MBNL2: variants seen among roughly 807,000 people sequenced by gnomAD.
MBNL2 encodes muscleblind like splicing regulator 2.
MBNL2 carries 17 observed loss-of-function variants against 41.9 expected under a neutral mutation model. That is an observed-to-expected ratio of 0.41 (90% CI 0.28 to 0.61). The LOEUF is 0.61. Among genes scored for constraint, MBNL2 ranks in the 20% least tolerant of loss-of-function variants. The pLI, the probability that MBNL2 is intolerant of heterozygous loss-of-function variation, is 0.35. For synonymous variants in MBNL2, 195 were observed against 182.9 expected, an observed-to-expected ratio of 1.07 and a Z score of -0.53; for missense variants, 336 against 505.6, an observed-to-expected ratio of 0.66 and a Z score of 3.22.
chr13:97,336,428 G>T (rs955446438), intron 3 of MBNL2, among the ~76,000 whole-genome samples: 1 of 151,824 alleles, frequency 6.6e-6, no homozygotes, highest in Admixed American at 6.6e-5. Context: ...TTGACAGATG[G>T]GATTAAATTA....
At chr13:97,252,984 A>G (rs2046855852) in intron 1 of MBNL2, among the ~76,000 whole-genome samples, 1 of 152,180 alleles carries the variant, frequency 6.6e-6, no homozygotes, top group Non-Finnish European at 1.5e-5. Context: ...TCTCTATTTT[A>G]CATCTTGTTG....
chr13:97,336,211 A>G (rs1003118101), intron 3 of MBNL2, among the ~76,000 whole-genome samples: 4 of 152,234 alleles, frequency 2.6e-5, no homozygotes, highest in Non-Finnish European at 4.4e-5. Context: ...AAAAATGAAT[A>G]TTACACTTAA....
At chr13:97,317,186 G>C (rs2059132491) in intron 2 of MBNL2, among the ~76,000 whole-genome samples, 1 of 152,120 alleles carries the variant, frequency 6.6e-6, no homozygotes, top group African/African-American at 2.4e-5. Flanking sequence ...GCATCAATTG[G>C]GCTTCAGTCC....
At chr13:97,250,453 T>C (rs1431481177) in intron 1 of MBNL2, among the ~76,000 whole-genome samples, 1 of 152,186 alleles carries the variant, frequency 6.6e-6, no homozygotes, top group Non-Finnish European at 1.5e-5. Flanking sequence ...TGTTCTGTTG[T>C]ATAAGTTCTT....
the MBNL2 span, among the ~76,000 whole-genome samples, chr13:97,152,699 G>A: frequency 2.6e-5 from 4 of 152,164 alleles, no homozygotes; most frequent in African/African-American, 9.7e-5. Context: ...AATTAATTGA[G>A]AGGATAAAAT....
the MBNL2 span, among the ~76,000 whole-genome samples, chr13:97,211,213 C>T: frequency 6.6e-6 from 1 of 151,350 alleles, no homozygotes; most frequent in African/African-American, 2.4e-5. Flanking sequence ...TTTCTTCTAG[C>T]CCTAGGATCC....
chr13:97,386,726 A>G (rs2153167891), intron 8 of MBNL2, among the ~76,000 whole-genome samples: 1 of 152,206 alleles, frequency 6.6e-6, no homozygotes, highest in East Asian at 1.9e-4. Flanking sequence ...TATGAAACTA[A>G]TCAGGTACTG....
chr13:97,338,048 C>A (rs924533969), intron 3 of MBNL2, among the ~76,000 whole-genome samples: 4 of 152,210 alleles, frequency 2.6e-5, no homozygotes, highest in Non-Finnish European at 5.9e-5. Flanking sequence ...CCACAGACAA[C>A]AACCAGAGGA....
At chr13:97,370,739 C>A (rs184216357) in intron 8 of MBNL2, among the ~76,000 whole-genome samples, 1 of 150,780 alleles carries the variant, frequency 6.6e-6, no homozygotes, top group African/African-American at 2.4e-5. Flanking sequence ...AATAAAATAA[C>A]CAGTGAAAAT....
intron 2 of MBNL2, among the ~76,000 whole-genome samples, chr13:97,293,445 T>A (rs566667828): frequency 6.6e-6 from 1 of 152,218 alleles, no homozygotes; most frequent in South Asian, 2.1e-4. Context: ...TTGGTGCAGA[T>A]GATGATCAAT....
At chr13:97,230,534 C>T (rs1177448526) in intron 1 of MBNL2, among the ~76,000 whole-genome samples, 1 of 152,188 alleles carries the variant, frequency 6.6e-6, no homozygotes, top group Non-Finnish European at 1.5e-5. Flanking sequence ...GCCATTGGTG[C>T]TCACACCTCG....
chr13:97,224,159 C>T, intron 1 of MBNL2, among the ~76,000 whole-genome samples: 1 of 152,180 alleles, frequency 6.6e-6, no homozygotes, highest in Admixed American at 6.5e-5. Context: ...TCTGGCCTGA[C>T]TCCCCCTTGG....
chr13:97,297,908 GAATA>G (rs1270641824), intron 2 of MBNL2, among the ~76,000 whole-genome samples: 7 of 151,914 alleles, frequency 4.6e-5, no homozygotes, highest in South Asian at 4.2e-4. Flanking sequence ...GAGCAGCAAT[GAATA>G]AATAAATAGG....
rs35671709 is a variant in MBNL2, at chr13:97,328,173, C to CTTTT, written c.175-6084_175-6081dup. ...CAGTTCTGAGACGGTTTCCTTAACCCTTTTTTTTTTTTTTTTTTTTTTACA... is the reference window on the plus strand; with the variant it reads ...CAGTTCTGAGACGGTTTCCTTAACCCTTTTTTTTTTTTTTTTTTTTTTTTTTACA... On this transcript the variant is annotated intron_variant, in intron 2 of 8. Coordinates refer to ENST00000679496, the MANE Select transcript of MBNL2 (RefSeq NM_001382683.1). Among the ~76,000 whole-genome samples the CTTTT allele has an allele frequency of 2.2e-3, 285 of 131,774 alleles. 1 individual carries two copies. Among genetic ancestry groups the CTTTT allele is most frequent in the African/African-American group, 7.6e-3 (262 of 34,438 alleles). The allele number at this position is 131,774 out of a possible 152,430, so 86.4% of individuals were successfully genotyped here.
intron 3 of MBNL2, among the ~76,000 whole-genome samples, chr13:97,340,003 C>A (rs973661326): frequency 1.3e-5 from 2 of 152,176 alleles, no homozygotes; most frequent in African/African-American, 4.8e-5. Context: ...CTTTGCCTTG[C>A]AGCATTGACC....
chr13:97,346,685 TG>T lies in MBNL2; in HGVS notation c.541-117del. 2.9e-6 allele frequency: 2 copies of T among 695,914 alleles called. No homozygotes were observed. The highest frequency in any genetic ancestry group is 4.8e-6 in the Non-Finnish European group (2 of 415,950). The allele number at this position is 695,914 out of a possible 1,614,324, so 43.1% of individuals were successfully genotyped here. ...CGCATAATCAATCTTTTCTTGTCAG[TG>T]GTACATGAGCCACCATTGAAAGCGA... On this transcript the variant is annotated intron_variant, in intron 4 of 8. Coordinates refer to ENST00000679496, the MANE Select transcript of MBNL2 (RefSeq NM_001382683.1). The surrounding 1 kb of genome is among the most constrained non-coding windows in gnomAD (Gnocchi z 4.2).
At chr13:97,328,471 G>T (rs943698374) in intron 2 of MBNL2, among the ~76,000 whole-genome samples, 29 of 152,188 alleles carry the variant, frequency 1.9e-4, no homozygotes, top group Non-Finnish European at 3.8e-4. Context: ...GGCCTGGCCT[G>T]CTTGCTTGAA....
intron 1 of MBNL2, among the ~76,000 whole-genome samples, chr13:97,274,458 C>G (rs991981816): frequency 3.9e-5 from 6 of 152,060 alleles, no homozygotes; most frequent in African/African-American, 1.2e-4. Context: ...GTTCATGCTA[C>G]TGCACTCTAG....
chr13:97,373,060 C>G (rs940665475), intron 8 of MBNL2, among the ~76,000 whole-genome samples: 1 of 152,182 alleles, frequency 6.6e-6, no homozygotes, highest in Non-Finnish European at 1.5e-5. Context: ...TCCTGAAATA[C>G]ATGGTAAAGT....
Sources: allele counts gnomAD v4.1 joint callset (sites outside exome capture counted in the v4.1 genomes callset), GRCh38; gene constraint gnomAD v4.1.1; non-coding constraint Gnocchi (gnomAD v3.1); transcripts MANE v1.5; gene names NCBI Gene and HGNC (gene_info 2026-07-23, HGNC 2026-07-21).